Variants in BRIP1 observed in about 807,000 individuals in gnomAD.
The protein encoded by BRIP1 is Fanconi anemia group J protein.
A neutral mutation model predicts 119.7 loss-of-function variants in BRIP1; 88 were observed. The ratio of observed to expected loss-of-function variants is 0.74; its 90% CI spans 0.62 to 0.88. The LOEUF is 0.88. Among genes scored for constraint, BRIP1 ranks in the 40% least tolerant of loss-of-function variants. The pLI is 0.00. For missense variants in BRIP1, 1,259 were observed against 1,455.4 expected (o/e 0.87, Z 2.20); for synonymous variants, 443 against 496.5 (o/e 0.89, Z 1.43).
rs140581962 is a variant in BRIP1, at chr17:61,804,446, G to GTGTATA, written c.919-2973_919-2972insTATACA. 1.4e-5 allele frequency among the ~76,000 whole-genome samples: 2 copies of GTGTATA among 140,692 alleles called. No individual in the cohort carries two copies. The highest frequency in any genetic ancestry group is 3.2e-5 in the Non-Finnish European group (2 of 63,312). The allele number at this position is 140,692 out of a possible 152,430, so 92.3% of individuals were successfully genotyped here. On this transcript the variant is annotated intron_variant, in intron 7 of 19. Transcript: ENST00000259008. The surrounding 1 kb of genome is among the most constrained non-coding windows in gnomAD (Gnocchi z 4.5). ...TGTGTGTGTGTGTGTGTGTGTGTGT[G>GTGTATA]TATGTGTGTGTACATACACATACAT...
intron 16 of BRIP1, among the ~76,000 whole-genome samples, chr17:61,721,727 C>T (rs911959578): frequency 4.7e-5 from 6 of 126,790 alleles, no homozygotes; most frequent in African/African-American, 1.9e-4. Flanking sequence ...GGACAGAGTA[C>T]CGCTCAGTCA....
chr17:61,761,786 T>C lies in BRIP1; in HGVS notation c.2097+14615A>G, dbSNP rs1046461966. Among the ~76,000 whole-genome samples, 5 of 152,092 alleles carry C rather than the reference T, an allele frequency of 3.3e-5. No individual in the cohort carries two copies. Among genetic ancestry groups the C allele is most frequent in the Non-Finnish European group, 5.9e-5 (4 of 67,978 alleles). ...GAAGATACAAGTAAATAGCATGATA[T>C]TCTTTGCTCATAGACTGGAAGAATA... On this transcript the variant is annotated intron_variant, in intron 14 of 19. Coordinates refer to ENST00000259008, the MANE Select transcript of BRIP1 (RefSeq NM_032043.3). This position sits in a 1 kb window ranked among gnomAD's most constrained non-coding sequence, Gnocchi z 6.4.
rs1178641118 is a variant in BRIP1 at position 61,720,614 on chromosome 17, G to T, written c.2380-4551C>A. On this transcript the variant is annotated intron_variant, in intron 16 of 19. Coordinates refer to ENST00000259008, the MANE Select transcript of BRIP1 (RefSeq NM_032043.3). This position sits in a 1 kb window ranked among gnomAD's most constrained non-coding sequence, Gnocchi z 4.3. ...ATGATGACATCTCATGCTATATCCT[G>T]CTCCATCCCACTCAGATGTGAATCA... Among the ~76,000 whole-genome samples, 4 of 152,004 alleles carry T rather than the reference G, an allele frequency of 2.6e-5. 1 individual carries two copies. Among genetic ancestry groups the T allele is most frequent in the Admixed American group, 1.3e-4 (2 of 15,258 alleles).
Position 61,797,433 on chromosome 17 carries a change from C to A in BRIP1, c.1340+1667G>T, listed in dbSNP as rs576195128. ...CTGGCTGAGATAAAAGAAACAATAA[C>A]CTCTGTATTTGGCAATATAGAGATC... On this transcript the variant is annotated intron_variant, in intron 9 of 19. Transcript: ENST00000259008. Among the ~76,000 whole-genome samples the A allele has an allele frequency of 3.5e-4, 53 of 152,116 alleles. 1 individual carries two copies. In the South Asian group the frequency reaches 0.011, roughly 32 times the overall value.
rs2061479652 is a variant in BRIP1, at chr17:61,693,526, G to A, written c.2493-14C>T. On this transcript the variant is annotated splice_polypyrimidine_tract_variant and intron_variant, in intron 17 of 19. Transcript: ENST00000259008. The surrounding 1 kb of genome is among the most constrained non-coding windows in gnomAD (Gnocchi z 4.2). ...TGTCTAATACATCTAGAAAAAATAG[G>A]GAAAAAGTCAAATAATTATAACATC... The A allele has an allele frequency of 3.1e-6, 5 of 1,589,734 alleles. No homozygotes were observed. The highest frequency in any genetic ancestry group is 4.3e-6 in the Non-Finnish European group (5 of 1,158,464).
Position 61,853,233 on chromosome 17 carries a change from ATTT to A in BRIP1, c.379+3822_379+3824del, listed in dbSNP as rs58620078. ...GACACAAGATTACATATATAATTCC[ATTT>A]TTTTTTTTTGAGATGGAGTTTCACT... On this transcript the variant is annotated intron_variant, in intron 4 of 19. Transcript: ENST00000259008. This position sits in a 1 kb window ranked among gnomAD's most constrained non-coding sequence, Gnocchi z 4.3. 1.8e-4 allele frequency among the ~76,000 whole-genome samples: 26 copies of A among 147,834 alleles called. No individual in the cohort carries two copies. The highest frequency in any genetic ancestry group is 6.4e-4 in the African/African-American group (26 of 40,370).
chr17:61,727,770 GTCTCTCTCTC>G (rs113514842), intron 16 of BRIP1, among the ~76,000 whole-genome samples: 1 of 140,364 alleles, frequency 7.1e-6, no homozygotes, highest in African/African-American at 2.7e-5. Flanking sequence ...CTGTCTGTCT[GTCTCTCTCTC>G]TCTCTCTCTC....
At chr17:61,830,994 C>T (rs1353605329) in intron 6 of BRIP1, among the ~76,000 whole-genome samples, 1 of 152,054 alleles carries the variant, frequency 6.6e-6, no homozygotes, top group African/African-American at 2.4e-5. Flanking sequence ...TGTAATTTAC[C>T]ATATCAACAG....
Position 61,780,140 on chromosome 17 carries a change from G to A in BRIP1, c.1935+121C>T. ...CAGATTTTCTTTTATTGTAAAACTG[G>A]AATGTTGAATTTCCTACCAAGATTT... is the stretch of plus-strand genomic sequence containing the variant. On this transcript the variant is annotated intron_variant, in intron 13 of 19. Transcript: ENST00000259008. The surrounding 1 kb of genome is among the most constrained non-coding windows in gnomAD (Gnocchi z 5.4). 1.9e-6 allele frequency: 2 copies of A among 1,067,932 alleles called. No individual in the cohort carries two copies. Among genetic ancestry groups the A allele is most frequent in the South Asian group, 2.8e-5 (2 of 72,636 alleles). 66.2% of individuals were successfully genotyped at this position (1,067,932 alleles called of 1,614,324 possible).
In BRIP1 at chr17:61,730,033, C is replaced by T. The variant is rs2076823381; in HGVS notation, c.2379+12980G>A. 6.6e-6 allele frequency among the ~76,000 whole-genome samples: 1 copy of T among 152,204 alleles called. No individual in the cohort carries two copies. Among genetic ancestry groups the T allele is most frequent in the Non-Finnish European group, 1.5e-5 (1 of 68,042 alleles). On this transcript the variant is annotated intron_variant, in intron 16 of 19. Transcript: ENST00000259008. This position sits in a 1 kb window ranked among gnomAD's most constrained non-coding sequence, Gnocchi z 4.3. The stretch of plus-strand genomic sequence containing the variant: ...TTGAAAGTAATTTCAAGTCACAAAT[C>T]TGGTATACTTGATGCAGTAGGAAAA...
intron 10 of BRIP1, among the ~76,000 whole-genome samples, chr17:61,786,982 TTA>T (rs1350348588): frequency 1.4e-4 from 1 of 6,932 alleles, no homozygotes; most frequent in Non-Finnish European, 2.5e-4. Context: ...ATTTATAAAT[TTA>T]TATAAATTTA....
chr17:61,724,447 T>C lies in BRIP1; in HGVS notation c.2380-8384A>G, dbSNP rs749318268. ...GTCAACGAGAAATTAAGGTCACAAT[T>C]ATTAACATTAGACTTTTTCAACTTT... On this transcript the variant is annotated intron_variant, in intron 16 of 19. Coordinates refer to ENST00000259008, the MANE Select transcript of BRIP1 (RefSeq NM_032043.3). The surrounding 1 kb of genome is among the most constrained non-coding windows in gnomAD (Gnocchi z 5.1). Among the ~76,000 whole-genome samples, 4 of 152,166 alleles carry C rather than the reference T, an allele frequency of 2.6e-5. No homozygotes were observed. Among genetic ancestry groups the C allele is most frequent in the Non-Finnish European group, 4.4e-5 (3 of 68,004 alleles).
Position 61,798,519 on chromosome 17 carries a change from AGT to A in BRIP1, c.1340+579_1340+580del, listed in dbSNP as rs1454156332. On this transcript the variant is annotated intron_variant, in intron 9 of 19. Transcript: ENST00000259008. The surrounding 1 kb of genome is among the most constrained non-coding windows in gnomAD (Gnocchi z 5.5). ...CTGTGTAACATTCAAATTTTTTTAA[AGT>A]GTAAATGTGAAGGAAACAGAAAAAT... 2.0e-5 allele frequency among the ~76,000 whole-genome samples: 3 copies of A among 152,034 alleles called. No homozygotes were observed. Among genetic ancestry groups the A allele is most frequent in the African/African-American group, 7.2e-5 (3 of 41,442 alleles).
At position 61,683,794 on chromosome 17, in the gene BRIP1, A is replaced by G. The variant is rs1555572745; in HGVS notation, c.3252T>C (p.Thr1084=). The change falls in exon 20 of 20, where the codon ACT becomes ACC. Residue 1084 remains threonine, a synonymous_variant. Coordinates refer to ENST00000259008, the MANE Select transcript of BRIP1 (RefSeq NM_032043.3). The surrounding 1 kb of genome is among the most constrained non-coding windows in gnomAD (Gnocchi z 4.7). ...GCGGATGTTCAGAATGATTTTTTCTAGTAAGGGTGGCATCAATCTTTAATG... is the reference window on the plus strand; with the variant it reads ...GCGGATGTTCAGAATGATTTTTTCTGGTAAGGGTGGCATCAATCTTTAATG... The part of the protein sequence containing the change: ...ISSLKIDATL[T]RKNHSEHPLC... The G allele has an allele frequency of 1.2e-6, 2 of 1,614,084 alleles. No individual in the cohort carries two copies. Among genetic ancestry groups the G allele is most frequent in the African/African-American group, 1.3e-5 (1 of 74,938 alleles).
intron 17 of BRIP1, among the ~76,000 whole-genome samples, chr17:61,696,985 CAAAA>C (rs775489853): frequency 1.4e-5 from 1 of 72,626 alleles, no homozygotes; most frequent in Admixed American, 2.0e-4. Context: ...GACTCTGTCT[CAAAA>C]AAAAAAAAAA....
At position 61,686,166 on chromosome 17, in the gene BRIP1, C is replaced by G. The variant is rs587782539; in HGVS notation, c.2576-1G>C. 1 of 1,613,836 alleles carries G rather than the reference C, an allele frequency of 6.2e-7. No homozygotes were observed. The highest frequency in any genetic ancestry group is 8.5e-7 in the Non-Finnish European group (1 of 1,179,862). ...TGCTGCCGTACCCATTTAGAAAGTC[C>G]TAAAGAAAAAGGTAAACCCAGGGAA... is the stretch of plus-strand genomic sequence containing the variant. On this transcript the variant is annotated splice_acceptor_variant, in intron 18 of 19. Coordinates refer to ENST00000259008, the MANE Select transcript of BRIP1 (RefSeq NM_032043.3). LOFTEE classifies it high-confidence loss of function. This position sits in a 1 kb window ranked among gnomAD's most constrained non-coding sequence, Gnocchi z 5.4.
In BRIP1 at chr17:61,831,504, T is replaced by C. The variant is rs1362830638; in HGVS notation, c.627+15597A>G. Among the ~76,000 whole-genome samples the C allele has an allele frequency of 6.6e-6, 1 of 152,272 alleles. No individual in the cohort carries two copies. Among genetic ancestry groups the C allele is most frequent in the Non-Finnish European group, 1.5e-5 (1 of 68,038 alleles). On this transcript the variant is annotated intron_variant, in intron 6 of 19. Coordinates refer to ENST00000259008, the MANE Select transcript of BRIP1 (RefSeq NM_032043.3). The surrounding 1 kb of genome is among the most constrained non-coding windows in gnomAD (Gnocchi z 4.1). ...CATACAATATCTGTCCTTTTATGAC[T>C]GGCTTATTTTACTTCACATAATGTC...
intron 13 of BRIP1, among the ~76,000 whole-genome samples, chr17:61,779,163 G>T (rs1753102589): frequency 6.6e-6 from 1 of 152,186 alleles, no homozygotes; most frequent in African/African-American, 2.4e-5. Context: ...ACTCATTTCA[G>T]ATATTCAAAC....
chr17:61,737,581 A>T (rs142559241), intron 16 of BRIP1, among the ~76,000 whole-genome samples: 38 of 152,366 alleles, frequency 2.5e-4, no homozygotes, highest in African/African-American at 8.9e-4. Flanking sequence ...TTTATATTCC[A>T]TAGAGGCATA....
Sources: gnomAD v4.1 joint callset for allele counts (sites outside exome capture counted in the v4.1 genomes callset) on GRCh38, gnomAD v4.1.1 for gene constraint, Gnocchi (gnomAD v3.1) non-coding constraint, MANE v1.5 for transcripts, NCBI Gene and HGNC (gene_info 2026-07-23, HGNC 2026-07-21) for gene names.